The following PHLPP1 variants were observed in gnomAD, a reference collection of about 807,000 sequenced individuals.
PHLPP1 encodes PH domain and leucine rich repeat protein phosphatase 1.
PHLPP1 carries 42 observed loss-of-function variants against 117.2 expected under a neutral mutation model. The ratio of observed to expected loss-of-function variants is 0.36; its 90% confidence interval spans 0.28 to 0.46. The LOEUF (loss-of-function observed/expected upper bound fraction) is 0.46, where lower values mean the gene tolerates loss of function less well. PHLPP1 is among the 20% of genes least tolerant of loss of function. The pLI is 1.00. For missense variants in PHLPP1, 2,084 were observed against 2,241.9 expected (o/e 0.93, Z 1.42); for synonymous variants, 1,042 against 970.7 (o/e 1.07, Z -1.37).
At chr18:62,888,249 A>G (rs1309769984) in intron 4 of PHLPP1, among the ~76,000 whole-genome samples, 1 of 151,890 alleles carries the variant, frequency 6.6e-6, no homozygotes, top group Non-Finnish European at 1.5e-5. Context: ...GCACTGAAAT[A>G]TTAGTTTAAA....
chr18:62,728,292 C>CAAA (rs11374202), intron 1 of PHLPP1, among the ~76,000 whole-genome samples: 9 of 133,574 alleles, frequency 6.7e-5, no homozygotes, highest in African/African-American at 2.4e-4. Context: ...GAGACTGACT[C>CAAA]AAAAAAAAAA....
intron 3 of PHLPP1, among the ~76,000 whole-genome samples, chr18:62,857,872 A>T (rs140413766): frequency 2.1e-3 from 316 of 152,302 alleles, no homozygotes; most frequent in African/African-American, 7.3e-3. Context: ...CATTAAGTAG[A>T]TTCTCAACAC....
intron 10 of PHLPP1, among the ~76,000 whole-genome samples, chr18:62,934,751 G>A (rs1218736008): frequency 2.6e-5 from 4 of 152,176 alleles, no homozygotes; most frequent in African/African-American, 9.6e-5. Flanking sequence ...CCCCAAAATG[G>A]AAACAACCCA....
At chr18:62,810,897 A>G (rs1914094580) in intron 1 of PHLPP1, among the ~76,000 whole-genome samples, 1 of 152,224 alleles carries the variant, frequency 6.6e-6, no homozygotes, top group African/African-American at 2.4e-5. Flanking sequence ...AATTCTGTCC[A>G]GCTAAAACCT....
At chr18:62,820,016 G>A (rs2144320272) in intron 1 of PHLPP1, among the ~76,000 whole-genome samples, 1 of 152,264 alleles carries the variant, frequency 6.6e-6, no homozygotes, top group Admixed American at 6.5e-5. Flanking sequence ...ATAAATGTTG[G>A]TAACACTGAT....
chr18:62,799,890 A>T, intron 1 of PHLPP1, among the ~76,000 whole-genome samples: 1 of 152,250 alleles, frequency 6.6e-6, no homozygotes, highest in South Asian at 2.1e-4. Flanking sequence ...TCAACAGGAA[A>T]TAGCACACTT....
chr18:62,948,052 T>C (rs909885325), intron 12 of PHLPP1, among the ~76,000 whole-genome samples: 1 of 150,924 alleles, frequency 6.6e-6, no homozygotes, highest in African/African-American at 2.4e-5. Context: ...AAAATACAAA[T>C]AGAAATTCAG....
chr18:62,855,088 T>C (rs1049503936), intron 3 of PHLPP1, among the ~76,000 whole-genome samples: 2 of 152,172 alleles, frequency 1.3e-5, no homozygotes, highest in Non-Finnish European at 2.9e-5. Flanking sequence ...AAGTTCTTAC[T>C]GCACAGGGTA....
At chr18:62,949,008 A>G (rs1302869134) in intron 12 of PHLPP1, among the ~76,000 whole-genome samples, 1 of 152,162 alleles carries the variant, frequency 6.6e-6, no homozygotes, top group Admixed American at 6.5e-5. Flanking sequence ...TTAATGTAAA[A>G]GAAGTAATTT....
intron 4 of PHLPP1, among the ~76,000 whole-genome samples, chr18:62,867,811 A>G (rs759588711): frequency 1.3e-5 from 2 of 151,744 alleles, no homozygotes; most frequent in Non-Finnish European, 2.9e-5. Flanking sequence ...AAGGTTTAGT[A>G]TGTGGATTTT....
chr18:62,760,912 T>G (rs1290963998), intron 1 of PHLPP1, among the ~76,000 whole-genome samples: 2 of 152,116 alleles, frequency 1.3e-5, no homozygotes, highest in Non-Finnish European at 1.5e-5. Context: ...TAGGCGGGAG[T>G]GCAGTGGCAC....
intron 4 of PHLPP1, among the ~76,000 whole-genome samples, chr18:62,886,496 A>G (rs961070911): frequency 2.0e-5 from 3 of 151,974 alleles, no homozygotes; most frequent in Admixed American, 1.3e-4. Flanking sequence ...TCTGGTCTTG[A>G]GCTCCTGGCC....
rs1283081658 is a variant in PHLPP1 at position 62,979,380 on chromosome 18, G to A, written c.5103G>A (p.Pro1701=). Residue 1701 remains proline, a synonymous_variant, in exon 17 of 17, where the codon CCG becomes CCA. Coordinates refer to ENST00000262719, the MANE Select transcript of PHLPP1 (RefSeq NM_194449.4). ...CCCCTCAGCTCCAGCCGCAGCTGCCGCGGCACTACCAGCTGGACCAGCTGC... is the reference window on the plus strand; with the variant it reads ...CCCCTCAGCTCCAGCCGCAGCTGCCACGGCACTACCAGCTGGACCAGCTGC... ...PPPPQLQPQL[P]RHYQLDQLPD... 5.8e-6 allele frequency: 9 copies of A among 1,550,812 alleles called. No homozygotes were observed. Among genetic ancestry groups the A allele is most frequent in the African/African-American group, 4.1e-5 (3 of 73,032 alleles).
intron 12 of PHLPP1, among the ~76,000 whole-genome samples, chr18:62,956,924 A>G (rs758632337): frequency 2.8e-4 from 43 of 152,252 alleles, no homozygotes; most frequent in Admixed American, 4.6e-4. Flanking sequence ...TCCCTACTAG[A>G]TTTAAATTCT....
intron 6 of PHLPP1, among the ~76,000 whole-genome samples, chr18:62,900,908 C>T (rs1355677550): frequency 6.6e-6 from 1 of 152,134 alleles, no homozygotes; most frequent in East Asian, 1.9e-4. Context: ...ATGCTGTACA[C>T]AATAAATATG....
chr18:62,850,032 C>T (rs1322611996), intron 3 of PHLPP1, among the ~76,000 whole-genome samples: 1 of 149,568 alleles, frequency 6.7e-6, no homozygotes, highest in Non-Finnish European at 1.5e-5. Context: ...CTGTATTAAA[C>T]ATACTGAACC....
intron 10 of PHLPP1, among the ~76,000 whole-genome samples, chr18:62,936,018 T>A (rs934078846): frequency 6.6e-6 from 1 of 152,034 alleles, no homozygotes; most frequent in African/African-American, 2.4e-5. Flanking sequence ...AAAATAAAAT[T>A]AAATAAAAAG....
chr18:62,781,755 G>C lies in PHLPP1; in HGVS notation c.1577-48280G>C, dbSNP rs73963475. On this transcript the variant is annotated intron_variant, in intron 1 of 16. Coordinates refer to ENST00000262719, the MANE Select transcript of PHLPP1 (RefSeq NM_194449.4). Reference sequence around the variant, plus strand: ...CATTTTAAGCTCCAGTTTTAATGCTGCATGTTCATTAGAAACATAGCCTCA... The same window carrying C: ...CATTTTAAGCTCCAGTTTTAATGCTCCATGTTCATTAGAAACATAGCCTCA... Among the ~76,000 whole-genome samples, 592 of 152,176 alleles carry C rather than the reference G, an allele frequency of 3.9e-3. 3 individuals are homozygous for C. The highest frequency in any genetic ancestry group is 0.014 in the African/African-American group (574 of 41,512).
chr18:62,789,096 A>G (rs1868791674), intron 1 of PHLPP1, among the ~76,000 whole-genome samples: 1 of 152,346 alleles, frequency 6.6e-6, no homozygotes, highest in Admixed American at 6.5e-5. Context: ...GCAATAAACC[A>G]GGCAGGGAGA....
Sources: gnomAD v4.1 joint callset for allele counts (sites outside exome capture counted in the v4.1 genomes callset) on GRCh38, gnomAD v4.1.1 for gene constraint, MANE v1.5 for transcripts, NCBI Gene and HGNC (gene_info 2026-07-23, HGNC 2026-07-21) for gene names.